MIPOL1: variants seen among roughly 807,000 people sequenced by gnomAD.
MIPOL1 encodes the protein mirror-image polydactyly gene 1 protein.
Under a neutral mutation model 60.9 loss-of-function variants are expected in MIPOL1, and 57 were observed. That is an observed-to-expected ratio of 0.94 (90% confidence interval 0.76 to 1.17). The LOEUF (loss-of-function observed/expected upper bound fraction) is 1.17, where lower values mean the gene tolerates loss of function less well. Among genes scored for constraint, MIPOL1 ranks in the 50% most tolerant of loss-of-function variants. The pLI is 0.00. For missense variants in MIPOL1, 551 were observed against 511.6 expected (o/e 1.08, Z -0.74); for synonymous variants, 179 against 168.8 (o/e 1.06, Z -0.47).
intron 10 of MIPOL1, among the ~76,000 whole-genome samples, chr14:37,410,532 T>A (rs935121637): frequency 3.9e-5 from 6 of 152,062 alleles, no homozygotes; most frequent in Non-Finnish European, 1.5e-5. Flanking sequence ...TAGACACAGG[T>A]ACATGGTTCT....
intron 9 of MIPOL1, among the ~76,000 whole-genome samples, chr14:37,364,936 C>A (rs530023032): frequency 3.3e-5 from 5 of 152,034 alleles, no homozygotes; most frequent in African/African-American, 1.2e-4. Context: ...TTAAATTAAT[C>A]TCTTGGTATT....
chr14:37,308,850 T>C (rs2087023211), intron 9 of MIPOL1, among the ~76,000 whole-genome samples: 1 of 152,120 alleles, frequency 6.6e-6, no homozygotes, highest in Non-Finnish European at 1.5e-5. Flanking sequence ...ATTACAGTTT[T>C]CTGAAGGCTG....
intron 10 of MIPOL1, among the ~76,000 whole-genome samples, chr14:37,410,905 T>A (rs1008692685): frequency 6.6e-6 from 1 of 152,024 alleles, no homozygotes; most frequent in Non-Finnish European, 1.5e-5. Flanking sequence ...TTTTTTATTT[T>A]AAAAATATAA....
intron 9 of MIPOL1, among the ~76,000 whole-genome samples, chr14:37,367,828 G>A (rs1286015854): frequency 6.6e-6 from 1 of 152,012 alleles, no homozygotes; most frequent in African/African-American, 2.4e-5. Flanking sequence ...ACACACGATA[G>A]TACAGTTAGT....
chr14:37,203,709 C>T (rs1052081403), intron 1 of MIPOL1, among the ~76,000 whole-genome samples: 5 of 152,184 alleles, frequency 3.3e-5, no homozygotes, highest in African/African-American at 9.7e-5. Flanking sequence ...TGAAAAGGCC[C>T]ACCTGTCAAG....
At chr14:37,440,182 C>T (rs2094219473) in intron 11 of MIPOL1, among the ~76,000 whole-genome samples, 1 of 152,158 alleles carries the variant, frequency 6.6e-6, no homozygotes, top group African/African-American at 2.4e-5. Flanking sequence ...AATATCCACT[C>T]AGTGTTAAAA....
intron 10 of MIPOL1, among the ~76,000 whole-genome samples, chr14:37,402,939 A>G (rs2093513348): frequency 6.6e-6 from 1 of 152,196 alleles, no homozygotes; most frequent in Non-Finnish European, 1.5e-5. Flanking sequence ...ATGGTTATAT[A>G]AGATGGGTAG....
rs530643766 is a variant in MIPOL1, at chr14:37,539,931, G to A, written c.1263-6974G>A. Among the ~76,000 whole-genome samples the A allele has an allele frequency of 2.0e-5, 3 of 152,312 alleles. No homozygotes were observed. In the South Asian group the frequency reaches 6.2e-4, roughly 32 times the overall value. ...TGGAGATAATTGAACCATGGGAGCA[G>A]TTTCCCCCTTCCTGTTCTCATGAGA... On this transcript the variant is annotated intron_variant, in intron 12 of 12. Transcript: ENST00000684589.
intron 11 of MIPOL1, among the ~76,000 whole-genome samples, chr14:37,495,777 T>C (rs959861206): frequency 6.6e-6 from 1 of 151,560 alleles, no homozygotes; most frequent in Admixed American, 6.6e-5. Flanking sequence ...TTTCTCCACA[T>C]CCTCTCCAGC....
chr14:37,336,540 T>C (rs1490591702), intron 9 of MIPOL1, among the ~76,000 whole-genome samples: 1 of 151,820 alleles, frequency 6.6e-6, no homozygotes, highest in Non-Finnish European at 1.5e-5. Flanking sequence ...TTTCTTAAAA[T>C]TCCCGTCTCC....
At chr14:37,536,361 T>G (rs781716435) in intron 12 of MIPOL1, among the ~76,000 whole-genome samples, 2 of 152,118 alleles carry the variant, frequency 1.3e-5, no homozygotes, top group Non-Finnish European at 2.9e-5. Context: ...AAGAGAAAAA[T>G]GTGAATCCCA....
At chr14:37,418,133 T>G (rs1317542849) in intron 10 of MIPOL1, among the ~76,000 whole-genome samples, 1 of 152,206 alleles carries the variant, frequency 6.6e-6, no homozygotes, top group Non-Finnish European at 1.5e-5. Context: ...CCATTCATGG[T>G]CTTGGAGTTA....
At chr14:37,233,554 T>G (rs1318137174) in intron 1 of MIPOL1, among the ~76,000 whole-genome samples, 2 of 152,188 alleles carry the variant, frequency 1.3e-5, no homozygotes, top group East Asian at 3.9e-4. Context: ...GTGCGGTCAT[T>G]TTTACATCAT....
At chr14:37,355,735 C>T (rs1368804887) in intron 9 of MIPOL1, among the ~76,000 whole-genome samples, 4 of 147,446 alleles carry the variant, frequency 2.7e-5, no homozygotes, top group Non-Finnish European at 6.0e-5. Context: ...ATGTAGTTCT[C>T]GAGCCTTGGT....
Position 37,523,286 on chromosome 14 carries a change from G to A in MIPOL1, c.1262+23148G>A, listed in dbSNP as rs994430124. ...TACTGTTTTGTGATGGATTTTGTCC[G>A]TTTAAAAATAGCCCCTTTTGACTAC... On this transcript the variant is annotated intron_variant, in intron 12 of 12. Transcript: ENST00000684589. 6.6e-5 allele frequency among the ~76,000 whole-genome samples: 10 copies of A among 152,136 alleles called. No individual in the cohort carries two copies. The South Asian group carries it at 8.3e-4, about 13-fold the overall frequency.
At chr14:37,431,823 G>C (rs986264024) in intron 11 of MIPOL1, among the ~76,000 whole-genome samples, 1 of 150,986 alleles carries the variant, frequency 6.6e-6, no homozygotes, top group African/African-American at 2.4e-5. Flanking sequence ...CTGACCTCGT[G>C]ATCCGCTCGC....
At chr14:37,389,278 A>G (rs541184875) in intron 10 of MIPOL1, among the ~76,000 whole-genome samples, 2 of 152,168 alleles carry the variant, frequency 1.3e-5, no homozygotes, top group South Asian at 2.1e-4. Context: ...TGTCTTCTTC[A>G]TAAGACTAAA....
In MIPOL1 at chr14:37,360,065, C is replaced by G. The variant is rs567360214; in HGVS notation, c.829-9452C>G. On this transcript the variant is annotated intron_variant, in intron 9 of 12. Coordinates refer to ENST00000684589, the MANE Select transcript of MIPOL1 (RefSeq NM_001388067.1). ...ATTTTGTCGAAGGCCTTTTCTGCATCTAATGAGACAATCATGTGGTTTTTG... is the reference window on the plus strand; with the variant it reads ...ATTTTGTCGAAGGCCTTTTCTGCATGTAATGAGACAATCATGTGGTTTTTG... Among the ~76,000 whole-genome samples, 8 of 152,258 alleles carry G rather than the reference C, an allele frequency of 5.3e-5. No homozygotes were observed. The South Asian group carries it at 1.4e-3, about 28-fold the overall frequency.
chr14:37,405,734 A>T (rs978463112), intron 10 of MIPOL1, among the ~76,000 whole-genome samples: 1 of 151,942 alleles, frequency 6.6e-6, no homozygotes, highest in Non-Finnish European at 1.5e-5. Context: ...GTAAAAAAAA[A>T]GTCTTTCATA....
Sources: gnomAD v4.1 joint callset for allele counts (sites outside exome capture counted in the v4.1 genomes callset) on GRCh38, gnomAD v4.1.1 for gene constraint, MANE v1.5 for transcripts, NCBI Gene and HGNC (gene_info 2026-07-23, HGNC 2026-07-21) for gene names.